NKAIN2: variants seen among roughly 807,000 people sequenced by gnomAD.
NKAIN2 encodes sodium/potassium transporting ATPase interacting 2, also known as sodium/potassium-transporting ATPase subunit beta-1-interacting protein 2.
Under a neutral mutation model 32.6 loss-of-function variants are expected in NKAIN2, and 14 were observed. The observed-to-expected ratio is 0.43, with a 90% CI of 0.28 to 0.67. The LOEUF is 0.67. Among genes scored for constraint, NKAIN2 ranks in the 30% least tolerant of loss-of-function variants. The pLI, the probability that NKAIN2 is intolerant of heterozygous loss-of-function variation, is 0.17. For synonymous variants in NKAIN2, 80 were observed against 87.2 expected, an observed-to-expected ratio of 0.92 and a Z score of 0.46; for missense variants, 198 against 258.3, an observed-to-expected ratio of 0.77 and a Z score of 1.60.
intron 1 of NKAIN2, among the ~76,000 whole-genome samples, chr6:124,169,233 A>G (rs1788724473): frequency 6.6e-6 from 1 of 152,190 alleles, no homozygotes; most frequent in South Asian, 2.1e-4. Flanking sequence ...GATAATAAAT[A>G]TACATAGTCT....
At chr6:123,895,842 C>G (rs184893490) in intron 1 of NKAIN2, among the ~76,000 whole-genome samples, 1 of 152,146 alleles carries the variant, frequency 6.6e-6, no homozygotes, top group African/African-American at 2.4e-5. Context: ...ACATTGGACT[C>G]GAGAGGTTGA....
intron 1 of NKAIN2, among the ~76,000 whole-genome samples, chr6:123,864,565 C>G (rs893139665): frequency 3.3e-5 from 5 of 152,064 alleles, no homozygotes; most frequent in Admixed American, 1.3e-4. Context: ...GGTACATTTT[C>G]ATTTAGAGCG....
intron 3 of NKAIN2, among the ~76,000 whole-genome samples, chr6:124,543,002 T>C (rs1371251193): frequency 1.3e-5 from 2 of 152,206 alleles, no homozygotes; most frequent in Non-Finnish European, 2.9e-5. Flanking sequence ...CTGTAAGTAT[T>C]TCACAGCACT....
intron 3 of NKAIN2, among the ~76,000 whole-genome samples, chr6:124,455,024 T>C (rs1776264617): frequency 6.6e-6 from 1 of 152,012 alleles, no homozygotes; most frequent in African/African-American, 2.4e-5. Flanking sequence ...CCTGAAATTA[T>C]TTAGATTATT....
In NKAIN2 at chr6:124,741,475, A is replaced by T. The variant is rs189040380; in HGVS notation, c.475-49864A>T. On this transcript the variant is annotated intron_variant, in intron 4 of 6. Coordinates refer to ENST00000368417, the MANE Select transcript of NKAIN2 (RefSeq NM_001040214.3). ...AGTATTGAAGATGAATGCTGGAAATAATACTGGTGTGAATCACAAATACTA... is the reference window on the plus strand; with the variant it reads ...AGTATTGAAGATGAATGCTGGAAATTATACTGGTGTGAATCACAAATACTA... 3.3e-5 allele frequency among the ~76,000 whole-genome samples: 5 copies of T among 151,986 alleles called. No homozygotes were observed. The East Asian group carries it at 9.7e-4, about 30-fold the overall frequency.
At chr6:124,259,221 A>C (rs1794103565) in intron 1 of NKAIN2, among the ~76,000 whole-genome samples, 1 of 152,188 alleles carries the variant, frequency 6.6e-6, no homozygotes, top group Non-Finnish European at 1.5e-5. Flanking sequence ...AATTGGAATA[A>C]AATTGATGGA....
At chr6:124,338,021 A>G (rs1797952296) in intron 2 of NKAIN2, among the ~76,000 whole-genome samples, 1 of 152,214 alleles carries the variant, frequency 6.6e-6, no homozygotes, top group South Asian at 2.1e-4. Context: ...CACAGTAGAA[A>G]AACTATAATT....
chr6:124,537,189 A>G (rs1050646427), intron 3 of NKAIN2, among the ~76,000 whole-genome samples: 3 of 152,224 alleles, frequency 2.0e-5, no homozygotes, highest in Non-Finnish European at 2.9e-5. Flanking sequence ...TTAACAAACC[A>G]TATCTCAGAA....
intron 1 of NKAIN2, among the ~76,000 whole-genome samples, chr6:123,915,395 C>G (rs1775435522): frequency 1.3e-5 from 2 of 152,154 alleles, no homozygotes; most frequent in African/African-American, 4.8e-5. Flanking sequence ...ATTCCTGTCT[C>G]CCACTCACTT....
chr6:124,488,911 AATGG>A (rs1346522729), intron 3 of NKAIN2, among the ~76,000 whole-genome samples: 3 of 151,858 alleles, frequency 2.0e-5, no homozygotes, highest in African/African-American at 7.2e-5. Flanking sequence ...TTTTGAATAA[AATGG>A]GAAGAGGTAT....
rs1783551005 is a variant in NKAIN2, at chr6:124,631,175, C to G, written c.274-27011C>G. 1.3e-5 allele frequency among the ~76,000 whole-genome samples: 2 copies of G among 152,116 alleles called. 1 individual carries two copies. The highest frequency in any genetic ancestry group is 6.8e-3 in the Middle Eastern group (2 of 294). On this transcript the variant is annotated intron_variant, in intron 3 of 6. Coordinates refer to ENST00000368417, the MANE Select transcript of NKAIN2 (RefSeq NM_001040214.3). ...GAGTGTTTAAGTGTTTTTGATACTT[C>G]TAAAGAGATTCTCAAAGTGCCTTGA...
intron 1 of NKAIN2, among the ~76,000 whole-genome samples, chr6:123,824,017 T>C (rs1032907997): frequency 1.4e-4 from 22 of 152,158 alleles, no homozygotes; most frequent in Admixed American, 5.2e-4. Flanking sequence ...GGGTTTAGCT[T>C]TAGATTTGCC....
At chr6:124,186,957 G>A (rs1484547108) in intron 1 of NKAIN2, among the ~76,000 whole-genome samples, 1 of 118,408 alleles carries the variant, frequency 8.4e-6, no homozygotes, top group South Asian at 3.1e-4. Flanking sequence ...GACAAGAAAA[G>A]TACTGATGAT....
intron 3 of NKAIN2, among the ~76,000 whole-genome samples, chr6:124,471,742 T>A (rs1776982448): frequency 6.6e-6 from 1 of 152,168 alleles, no homozygotes. Context: ...GTTCTTTTAA[T>A]TAAGTACATT....
In NKAIN2 at chr6:124,131,040, G is replaced by A. The variant is rs559683405; in HGVS notation, c.55-151965G>A. Among the ~76,000 whole-genome samples the A allele has an allele frequency of 2.6e-5, 4 of 152,176 alleles. No homozygotes were observed. The East Asian group carries it at 7.7e-4, about 29-fold the overall frequency. On this transcript the variant is annotated intron_variant, in intron 1 of 6. Coordinates refer to ENST00000368417, the MANE Select transcript of NKAIN2 (RefSeq NM_001040214.3). The stretch of plus-strand genomic sequence containing the variant: ...GTCAATACTAACAAAGACACACAAA[G>A]AACTGCTAGCTATTACTTTCCATGA...
At chr6:124,216,040 C>T (rs1170420489) in intron 1 of NKAIN2, among the ~76,000 whole-genome samples, 1 of 151,338 alleles carries the variant, frequency 6.6e-6, no homozygotes, top group African/African-American at 2.4e-5. Flanking sequence ...ATTACTTGAA[C>T]CCGGGAGGCA....
chr6:124,524,742 A>G (rs1779249003), intron 3 of NKAIN2, among the ~76,000 whole-genome samples: 1 of 152,162 alleles, frequency 6.6e-6, no homozygotes, highest in South Asian at 2.1e-4. Flanking sequence ...TGCTTGTCTA[A>G]CTCGCTAACT....
chr6:123,872,165 G>A (rs771464032), intron 1 of NKAIN2, among the ~76,000 whole-genome samples: 7 of 151,902 alleles, frequency 4.6e-5, no homozygotes, highest in Non-Finnish European at 7.4e-5. Flanking sequence ...TGAATTATTT[G>A]GAAGTAGAAC....
chr6:123,910,736 C>G (rs535944588), intron 1 of NKAIN2, among the ~76,000 whole-genome samples: 160 of 151,882 alleles, frequency 1.1e-3, no homozygotes, highest in Non-Finnish European at 1.8e-3. Context: ...GATCTCTTGA[C>G]CTCGTGATCT....
Sources: gnomAD v4.1 joint callset for allele counts (sites outside exome capture counted in the v4.1 genomes callset) on GRCh38, gnomAD v4.1.1 for gene constraint, MANE v1.5 for transcripts, NCBI Gene and HGNC (gene_info 2026-07-23, HGNC 2026-07-21) for gene names.